The following RBFOX1 variants were observed in gnomAD, a reference collection of about 807,000 sequenced individuals.
RBFOX1 encodes the protein RNA binding fox-1 homolog 1, also known as RNA binding protein fox-1 homolog 1.
Under a neutral mutation model 57.7 loss-of-function variants are expected in RBFOX1, and 8 were observed. The ratio of observed to expected loss-of-function variants is 0.14; its 90% CI spans 0.08 to 0.25. The LOEUF (loss-of-function observed/expected upper bound fraction) is 0.25. RBFOX1 is among the 10% of genes least tolerant of loss of function. RBFOX1 has a pLI of 1.00. For synonymous variants in RBFOX1, 326 were observed against 222.4 expected, an observed-to-expected ratio of 1.47 and a Z score of -4.15; for missense variants, 611 against 548.5, an observed-to-expected ratio of 1.11 and a Z score of -1.14.
intron 2 of RBFOX1, among the ~76,000 whole-genome samples, chr16:6,478,264 C>T (rs2095305416): frequency 1.4e-5 from 2 of 145,650 alleles, no homozygotes; most frequent in South Asian, 2.2e-4. Context: ...TAGCTGTCAC[C>T]TGGGCTGGAG....
chr16:5,544,701 C>T (rs767866724), intron 2 of RBFOX1, among the ~76,000 whole-genome samples: 4 of 152,066 alleles, frequency 2.6e-5, no homozygotes, highest in Non-Finnish European at 5.9e-5. Context: ...TTGTATAGTA[C>T]ATACTTATAT....
rs191708381 is a variant in RBFOX1, at chr16:7,150,541, C to T, written c.27+98443C>T. 2.0e-5 allele frequency among the ~76,000 whole-genome samples: 3 copies of T among 152,268 alleles called. 1 individual carries two copies. Among genetic ancestry groups the T allele is most frequent in the African/African-American group, 7.2e-5 (3 of 41,572 alleles). ...CATGAAGAAAGTAAGGGATGGCTAC[C>T]GTGTGATCAACTCTTAACAGATATT... is the stretch of plus-strand genomic sequence containing the variant. On this transcript the variant is annotated intron_variant, in intron 4 of 15. Transcript: ENST00000550418.
intron 4 of RBFOX1, among the ~76,000 whole-genome samples, chr16:5,984,381 T>C (rs970488924): frequency 2.0e-5 from 3 of 151,076 alleles, no homozygotes; most frequent in African/African-American, 7.3e-5. Context: ...ATGAACTACT[T>C]GAATAGAGGA....
intron 3 of RBFOX1, among the ~76,000 whole-genome samples, chr16:6,854,001 CAGAA>C (rs1222823511): frequency 2.6e-5 from 4 of 152,012 alleles, no homozygotes; most frequent in South Asian, 4.2e-4. Context: ...GTCTGCAGGC[CAGAA>C]AGAAAGAAAG....
In RBFOX1 at chr16:5,429,574, C is replaced by A. The variant is rs556121371; in HGVS notation, c.220-37642C>A. On this transcript the variant is annotated intron_variant, in intron 1 of 2. Transcript: ENST00000585867. ...CCGATAACAGCTCCAGGCTTCCAAG[C>A]TGGCTCGCAGGTGGAATAGTTGTGC... Among the ~76,000 whole-genome samples the A allele has an allele frequency of 1.8e-4, 27 of 152,316 alleles. No homozygotes were observed. In the South Asian group the frequency reaches 5.6e-3, roughly 32 times the overall value.
chr16:7,705,186 A>G (rs1417660967), intron 14 of RBFOX1, among the ~76,000 whole-genome samples: 3 of 151,822 alleles, frequency 2.0e-5, no homozygotes, highest in East Asian at 2.0e-4. Context: ...CAGAGAATGG[A>G]TTTGCATGTG....
At position 6,058,610 on chromosome 16, in the gene RBFOX1, C is replaced by T. The variant is rs1388975198; in HGVS notation, c.-127+38618C>T. ...TCTATCTACCCACCCATCCACCCAT[C>T]CATCCACCCATCCATCTACCCACCC... On this transcript the variant is annotated intron_variant, in intron 1 of 15. Coordinates refer to ENST00000550418, the MANE Select transcript of RBFOX1 (RefSeq NM_018723.4). 2.0e-5 allele frequency among the ~76,000 whole-genome samples: 3 copies of T among 151,594 alleles called. No homozygotes were observed. In the South Asian group the frequency reaches 6.2e-4, roughly 32 times the overall value.
At chr16:7,282,154 T>C (rs2095557582) in intron 4 of RBFOX1, among the ~76,000 whole-genome samples, 1 of 152,134 alleles carries the variant, frequency 6.6e-6, no homozygotes, top group South Asian at 2.1e-4. Context: ...TGAGCCACTG[T>C]ACCTGGCCGA....
intron 3 of RBFOX1, among the ~76,000 whole-genome samples, chr16:6,767,947 T>TAATAATAATAATAATAATA (rs1410744665): frequency 7.9e-5 from 8 of 101,048 alleles, no homozygotes; most frequent in African/African-American, 1.7e-4. Context: ...ATAATAATAA[T>TAATAATAATAATAATAATA]AAGAAGAAGA....
chr16:6,346,525 G>T (rs902882590), intron 2 of RBFOX1, among the ~76,000 whole-genome samples: 3 of 152,132 alleles, frequency 2.0e-5, no homozygotes, highest in African/African-American at 7.2e-5. Context: ...ACTAATCAAG[G>T]TGCTTCCCTA....
chr16:7,367,885 T>TACACAA (rs1555789501), intron 4 of RBFOX1, among the ~76,000 whole-genome samples: 1 of 148,334 alleles, frequency 6.7e-6, no homozygotes, highest in East Asian at 2.0e-4. Context: ...CATGCGTGCA[T>TACACAA]ACACACACAC....
chr16:7,574,810 A>T (rs937355327), intron 5 of RBFOX1, among the ~76,000 whole-genome samples: 2 of 152,126 alleles, frequency 1.3e-5, no homozygotes, highest in East Asian at 3.9e-4. Flanking sequence ...CACAACTCCT[A>T]TTGACAGATG....
intron 3 of RBFOX1, among the ~76,000 whole-genome samples, chr16:5,846,237 G>A (rs1315345598): frequency 1.3e-5 from 2 of 151,912 alleles, no homozygotes; most frequent in African/African-American, 2.4e-5. Flanking sequence ...CAGGAAGCTG[G>A]TGACTCATGG....
At chr16:6,585,911 T>G (rs915482268) in intron 2 of RBFOX1, among the ~76,000 whole-genome samples, 5 of 152,208 alleles carry the variant, frequency 3.3e-5, no homozygotes, top group African/African-American at 1.2e-4. Flanking sequence ...GTAGAGATCA[T>G]ACGCAATTAT....
intron 3 of RBFOX1, among the ~76,000 whole-genome samples, chr16:7,001,368 G>C (rs1192423520): frequency 1.7e-5 from 2 of 120,486 alleles, no homozygotes; most frequent in East Asian, 4.2e-4. Context: ...TTGTGTGTAT[G>C]TGTATGTGTA....
chr16:7,447,258 C>G (rs372065340), intron 4 of RBFOX1, among the ~76,000 whole-genome samples: 1 of 151,308 alleles, frequency 6.6e-6, no homozygotes, highest in Non-Finnish European at 1.5e-5. Context: ...ATGGGGAAAC[C>G]CCCATCTCTA....
At chr16:6,988,731 ATTT>A (rs111959126) in intron 3 of RBFOX1, among the ~76,000 whole-genome samples, 1 of 91,302 alleles carries the variant, frequency 1.1e-5, no homozygotes, top group Non-Finnish European at 2.0e-5. Context: ...CACCCAGCTA[ATTT>A]TTTTTTTTGT....
chr16:6,743,311 A>T (rs1320691479), intron 3 of RBFOX1, among the ~76,000 whole-genome samples: 3 of 152,218 alleles, frequency 2.0e-5, no homozygotes, highest in African/African-American at 7.2e-5. Flanking sequence ...TATAGGTTTA[A>T]ACCTAATTCT....
At chr16:5,286,574 A>C (rs1208008351) in intron 1 of RBFOX1, among the ~76,000 whole-genome samples, 1 of 152,202 alleles carries the variant, frequency 6.6e-6, no homozygotes, top group Non-Finnish European at 1.5e-5. Flanking sequence ...ACAGCTCTGC[A>C]TGAGAAGAAG....
Sources: gnomAD v4.1 joint callset for allele counts (sites outside exome capture counted in the v4.1 genomes callset) on GRCh38, gnomAD v4.1.1 for gene constraint, MANE v1.5 for transcripts, NCBI Gene and HGNC (gene_info 2026-07-23, HGNC 2026-07-21) for gene names.